Variants in SSBP2 observed in about 807,000 individuals in gnomAD.
The protein encoded by SSBP2 is single-stranded DNA-binding protein 2.
In SSBP2, 17 loss-of-function variants were observed where a neutral mutation model predicts 61.8. The ratio of observed to expected loss-of-function variants is 0.28; its 90% CI spans 0.19 to 0.41. The LOEUF is 0.41. Ranked by LOEUF, SSBP2 falls within the 10% of genes least tolerant of loss-of-function variation. The pLI is 1.00. For missense variants in SSBP2, 310 were observed against 458.7 expected (o/e 0.68, Z 2.96); for synonymous variants, 139 against 141.3 (o/e 0.98, Z 0.12).
intron 10 of SSBP2, among the ~76,000 whole-genome samples, chr5:81,455,850 C>T (rs1303501857): frequency 6.6e-6 from 1 of 152,110 alleles, no homozygotes; most frequent in Non-Finnish European, 1.5e-5. Context: ...ACAGATCACT[C>T]AAAAACTGTG....
chr5:81,708,488 C>A (rs1351765063), intron 1 of SSBP2, among the ~76,000 whole-genome samples: 1 of 151,976 alleles, frequency 6.6e-6, no homozygotes, highest in Admixed American at 6.6e-5. Flanking sequence ...TCTTTGCTGA[C>A]CAATGCGTCA....
chr5:81,740,449 TAAAAC>T (rs1158742413), intron 1 of SSBP2, among the ~76,000 whole-genome samples: 2 of 151,880 alleles, frequency 1.3e-5, no homozygotes, highest in African/African-American at 4.8e-5. Flanking sequence ...GTGAAAAAAA[TAAAAC>T]AAAGAAATTA....
intron 6 of SSBP2, among the ~76,000 whole-genome samples, chr5:81,477,042 A>C (rs1056476840): frequency 6.6e-6 from 1 of 151,884 alleles, no homozygotes; most frequent in African/African-American, 2.4e-5. Flanking sequence ...TAACATACCC[A>C]CATCCATTTT....
intron 1 of SSBP2, among the ~76,000 whole-genome samples, chr5:81,661,291 T>C (rs1356959882): frequency 6.6e-6 from 1 of 152,210 alleles, no homozygotes; most frequent in Non-Finnish European, 1.5e-5. Context: ...ATCTTGTCTA[T>C]TGTGATTAAA....
chr5:81,678,353 C>T (rs1752145869), intron 1 of SSBP2, among the ~76,000 whole-genome samples: 1 of 113,698 alleles, frequency 8.8e-6, no homozygotes, highest in South Asian at 2.5e-4. Flanking sequence ...CAAGAACAGT[C>T]CCAACTGAAA....
intron 1 of SSBP2, among the ~76,000 whole-genome samples, chr5:81,748,054 T>C (rs1224510422): frequency 3.9e-5 from 6 of 152,164 alleles, no homozygotes; most frequent in Admixed American, 3.9e-4. Flanking sequence ...ACTTCAAATA[T>C]TTCATATAGT....
At chr5:81,682,963 A>G (rs1752506057) in intron 1 of SSBP2, among the ~76,000 whole-genome samples, 1 of 152,138 alleles carries the variant, frequency 6.6e-6, no homozygotes, top group South Asian at 2.1e-4. Flanking sequence ...CAAAATATGT[A>G]CAAGATCTAT....
chr5:81,557,894 C>A (rs1040990735), intron 4 of SSBP2, among the ~76,000 whole-genome samples: 4 of 152,086 alleles, frequency 2.6e-5, no homozygotes, highest in African/African-American at 9.7e-5. Context: ...TGATTGAAAT[C>A]CAGACATTAT....
At chr5:81,541,302 C>T (rs528263596) in intron 4 of SSBP2, among the ~76,000 whole-genome samples, 1 of 152,272 alleles carries the variant, frequency 6.6e-6, no homozygotes, top group African/African-American at 2.4e-5. Flanking sequence ...ATCTCATGCT[C>T]ACAGATTGGA....
intron 1 of SSBP2, among the ~76,000 whole-genome samples, chr5:81,748,601 ACAGT>A (rs1757508120): frequency 6.6e-6 from 1 of 152,226 alleles, no homozygotes; most frequent in Non-Finnish European, 1.5e-5. Flanking sequence ...TTAACCCAGA[ACAGT>A]CATTGTCAAT....
At chr5:81,750,877 C>T (rs1024583492) in intron 1 of SSBP2, 104 bp downstream of exon 1, 4 of 1,305,426 alleles carry the variant, frequency 3.1e-6, no homozygotes, top group Admixed American at 2.0e-5. Context: ...CCACCCCCGG[C>T]GCTCCCCGGG....
chr5:81,556,237 A>T (rs2153392041), intron 4 of SSBP2, among the ~76,000 whole-genome samples: 1 of 152,222 alleles, frequency 6.6e-6, no homozygotes, highest in African/African-American at 2.4e-5. Context: ...CCAACACACA[A>T]TATCAAGGAC....
At chr5:81,472,001 C>G (rs985311922) in intron 8 of SSBP2, among the ~76,000 whole-genome samples, 6 of 152,026 alleles carry the variant, frequency 3.9e-5, no homozygotes, top group Admixed American at 3.9e-4. Flanking sequence ...TATCTGGGTG[C>G]TGAGTTCTCA....
chr5:81,432,604 G>A (rs965461017), intron 15 of SSBP2, among the ~76,000 whole-genome samples: 1 of 152,026 alleles, frequency 6.6e-6, no homozygotes, highest in African/African-American at 2.4e-5. Flanking sequence ...AAATTAGCCG[G>A]GTATGGTGGT....
At chr5:81,688,622 G>A (rs1327122472) in intron 1 of SSBP2, among the ~76,000 whole-genome samples, 1 of 152,202 alleles carries the variant, frequency 6.6e-6, no homozygotes. Context: ...TTTCCACCAG[G>A]TAATCCAGGG....
At chr5:81,675,817 T>A (rs575894533) in intron 1 of SSBP2, among the ~76,000 whole-genome samples, 1 of 152,238 alleles carries the variant, frequency 6.6e-6, no homozygotes, top group South Asian at 2.1e-4. Context: ...ACTCCCTACT[T>A]GTTCTCCCCC....
At chr5:81,624,150 T>C (rs1284703596) in intron 3 of SSBP2, among the ~76,000 whole-genome samples, 1 of 152,140 alleles carries the variant, frequency 6.6e-6, no homozygotes, top group Non-Finnish European at 1.5e-5. Flanking sequence ...CATAATTAAG[T>C]CTATAATAAT....
At chr5:81,538,533 C>T (rs1770994586) in intron 4 of SSBP2, among the ~76,000 whole-genome samples, 1 of 152,046 alleles carries the variant, frequency 6.6e-6, no homozygotes, top group Admixed American at 6.5e-5. Context: ...GATGAAACAG[C>T]CTTCTATTGA....
At chr5:81,670,038 C>T (rs188596515) in intron 1 of SSBP2, among the ~76,000 whole-genome samples, 146 of 152,180 alleles carry the variant, frequency 9.6e-4, no homozygotes, top group African/African-American at 3.2e-3. Context: ...CCACAGAATG[C>T]AGGATTTTTA....
Sources: allele counts gnomAD v4.1 joint callset (sites outside exome capture counted in the v4.1 genomes callset), GRCh38; gene constraint gnomAD v4.1.1; transcripts MANE v1.5; gene names NCBI Gene and HGNC (gene_info 2026-07-23, HGNC 2026-07-21).